The following YY1 variants were observed in gnomAD, a reference collection of about 807,000 sequenced individuals.
The protein encoded by YY1 is YY1 transcription factor, also known as transcriptional repressor protein YY1.
YY1 carries 2 observed loss-of-function variants against 35.6 expected under a neutral mutation model. The observed-to-expected ratio is 0.06, with a 90% confidence interval of 0.02 to 0.18. The LOEUF is 0.18. Among genes scored for constraint, YY1 ranks in the 10% least tolerant of loss-of-function variants. The pLI is 1.00. For synonymous variants in YY1, 268 were observed against 238.9 expected (o/e 1.12, Z -1.12); for missense variants, 322 against 573.4 (o/e 0.56, Z 4.48).
intron 1 of YY1, among the ~76,000 whole-genome samples, chr14:100,244,230 A>C (rs1890794811): frequency 6.6e-6 from 1 of 151,832 alleles, no homozygotes; most frequent in African/African-American, 2.4e-5. Flanking sequence ...GCATCTTTTG[A>C]ATGTAATATC....
intron 2 of YY1, among the ~76,000 whole-genome samples, chr14:100,273,088 CTAAG>C (rs370998950): frequency 2.0e-5 from 3 of 151,834 alleles, no homozygotes; most frequent in African/African-American, 7.3e-5. Context: ...CAGCCTCCTC[CTAAG>C]TAGCTGGGAT....
chr14:100,247,883 A>G (rs1006672308), intron 1 of YY1, among the ~76,000 whole-genome samples: 2 of 152,198 alleles, frequency 1.3e-5, no homozygotes, highest in African/African-American at 4.8e-5. Flanking sequence ...GTATCCTTAA[A>G]GTCACTTTGA....
intron 1 of YY1, among the ~76,000 whole-genome samples, chr14:100,257,539 G>A (rs1891021704): frequency 6.6e-6 from 1 of 152,144 alleles, no homozygotes; most frequent in African/African-American, 2.4e-5. Flanking sequence ...TTAGGTCTGA[G>A]GGTAGAACCC....
At chr14:100,239,950 C>A in intron 1 of YY1, 27 bp downstream of exon 1, 1 of 1,510,824 alleles carries the variant, frequency 6.6e-7, no homozygotes. Context: ...CGCCCCGGCC[C>A]CGGGATGTTT....
At chr14:100,247,511 G>A (rs991809769) in intron 1 of YY1, among the ~76,000 whole-genome samples, 3 of 151,868 alleles carry the variant, frequency 2.0e-5, no homozygotes, top group African/African-American at 7.3e-5. Context: ...TGCCCCAAGA[G>A]CTGGGACTAC....
chr14:100,242,829 A>G (rs1326146375), intron 1 of YY1, among the ~76,000 whole-genome samples: 3 of 151,882 alleles, frequency 2.0e-5, no homozygotes, highest in Admixed American at 6.6e-5. Context: ...GCTCACTGCA[A>G]CCTTCACCTC....
intron 2 of YY1, among the ~76,000 whole-genome samples, chr14:100,266,823 ATCAAG>A (rs749853108): frequency 6.6e-6 from 1 of 152,238 alleles, no homozygotes; most frequent in Non-Finnish European, 1.5e-5. Context: ...CAGCAAAGCT[ATCAAG>A]TCAGATACAA....
At chr14:100,249,200 A>G (rs1277582834) in intron 1 of YY1, among the ~76,000 whole-genome samples, 1 of 133,520 alleles carries the variant, frequency 7.5e-6, no homozygotes, top group East Asian at 2.2e-4. Flanking sequence ...GCTCACCTGC[A>G]ACCTTCACCT....
rs201681273 is a variant in YY1, at chr14:100,260,078, TTTTG to T, written c.680-2206_680-2203del. 3.9e-4 allele frequency among the ~76,000 whole-genome samples: 59 copies of T among 152,002 alleles called. 1 individual carries two copies. In the South Asian group the frequency reaches 5.6e-3, roughly 14 times the overall value. On this transcript the variant is annotated intron_variant, in intron 1 of 4. Transcript: ENST00000262238. ...GGATCAAAGAGGGAAGACTGGTGTT[TTTTG>T]TTTGTTTGTTTGTTTGTTTTGAGAC...
intron 1 of YY1, among the ~76,000 whole-genome samples, chr14:100,251,098 G>A (rs1438691252): frequency 6.6e-6 from 1 of 152,148 alleles, no homozygotes; most frequent in African/African-American, 2.4e-5. Context: ...TCCCAATATA[G>A]CCAGATCCTA....
intron 1 of YY1, among the ~76,000 whole-genome samples, chr14:100,246,099 C>A (rs948592398): frequency 7.9e-5 from 12 of 152,112 alleles, no homozygotes; most frequent in Non-Finnish European, 1.2e-4. Flanking sequence ...TATTTTAATT[C>A]GGAGCAGAAG....
At position 100,239,752 on chromosome 14, in the gene YY1, GGCC is replaced by G; in HGVS notation, c.511_513del (p.Arg171del). ...CGGCGGCTCGTCGTCGTCGGGAGGC[GGCC>G]GCGTCAAGAAGGGCGGCGGCAAGAA... On this transcript the variant is annotated inframe_deletion, in exon 1 of 5. Coordinates refer to ENST00000262238, the MANE Select transcript of YY1 (RefSeq NM_003403.5). 2 of 1,584,780 alleles carry G rather than the reference GGCC, an allele frequency of 1.3e-6. No individual in the cohort carries two copies. The highest frequency in any genetic ancestry group is 1.7e-6 in the Non-Finnish European group (2 of 1,169,882).
At chr14:100,257,485 C>G (rs1891020793) in intron 1 of YY1, among the ~76,000 whole-genome samples, 1 of 152,136 alleles carries the variant, frequency 6.6e-6, no homozygotes, top group South Asian at 2.1e-4. Flanking sequence ...AAATCTTAAC[C>G]CCCAATGTGA....
At chr14:100,241,977 A>AG (rs1365438938) in intron 1 of YY1, among the ~76,000 whole-genome samples, 2 of 26,412 alleles carry the variant, frequency 7.6e-5, no homozygotes, top group Non-Finnish European at 1.2e-4. Flanking sequence ...TCTGTCTCAA[A>AG]AGGGGGGGGG....
At chr14:100,274,987 G>C (rs1891298627) in intron 3 of YY1, among the ~76,000 whole-genome samples, 1 of 152,140 alleles carries the variant, frequency 6.6e-6, no homozygotes, top group Non-Finnish European at 1.5e-5. Flanking sequence ...ACTGTGTGTT[G>C]ACTCTACTGT....
intron 1 of YY1, among the ~76,000 whole-genome samples, chr14:100,251,610 C>T (rs1890925246): frequency 6.6e-6 from 1 of 152,212 alleles, no homozygotes; most frequent in African/African-American, 2.4e-5. Context: ...ACTGTTCCCC[C>T]TTAAACCTAG....
chr14:100,274,629 A>ATAT (rs1167175797), intron 2 of YY1, 69 bp from the exon 3 acceptor site: 1 of 1,364,184 alleles, frequency 7.3e-7, no homozygotes, highest in Admixed American at 1.7e-5. Context: ...TTTAGGGACT[A>ATAT]TATGATTTAT....
rs1044842141 is a variant in YY1 at position 100,281,125 on chromosome 14, G to A, written c.*3525G>A. ...ATTCTACCCACCTCCCCCCACCCCCGACTATAGGCAAAGAGAGTTGATCAC... is the reference window on the plus strand; with the variant it reads ...ATTCTACCCACCTCCCCCCACCCCCAACTATAGGCAAAGAGAGTTGATCAC... On this transcript the variant is annotated 3_prime_UTR_variant, in exon 5 of 5. Coordinates refer to ENST00000262238, the MANE Select transcript of YY1 (RefSeq NM_003403.5). 6.5e-5 allele frequency: 7 copies of A among 107,034 alleles called. No individual in the cohort carries two copies. The East Asian group carries it at 9.2e-4, about 14-fold the overall frequency. 6.6% of individuals were successfully genotyped at this position (107,034 alleles called of 1,614,324 possible).
At chr14:100,260,300 C>T (rs184489522) in intron 1 of YY1, among the ~76,000 whole-genome samples, 1 of 151,376 alleles carries the variant, frequency 6.6e-6, no homozygotes, top group Non-Finnish European at 1.5e-5. Context: ...TGGTCTTGAA[C>T]TCCCAAAATG....
Sources: gnomAD v4.1 joint callset for allele counts (sites outside exome capture counted in the v4.1 genomes callset) on GRCh38, gnomAD v4.1.1 for gene constraint, MANE v1.5 for transcripts, NCBI Gene and HGNC (gene_info 2026-07-23, HGNC 2026-07-21) for gene names.